The following PAK2 variants were observed in gnomAD, a reference collection of about 807,000 sequenced individuals.
PAK2 encodes the protein p21 (RAC1) activated kinase 2, also known as serine/threonine-protein kinase PAK 2.
In PAK2, 21 loss-of-function variants were observed where a neutral mutation model predicts 65.9. The observed-to-expected ratio is 0.32, with a 90% CI of 0.23 to 0.46. The LOEUF is 0.46. PAK2 is among the 20% of genes least tolerant of loss of function. The pLI, the probability that PAK2 is intolerant of heterozygous loss-of-function variation, is 1.00. For synonymous variants in PAK2, 204 were observed against 219.7 expected (o/e 0.93, Z 0.63); for missense variants, 324 against 642.6 (o/e 0.50, Z 5.36).
chr3:196,747,796 T>A (rs555331426), intron 1 of PAK2, among the ~76,000 whole-genome samples: 1 of 152,288 alleles, frequency 6.6e-6, no homozygotes, highest in South Asian at 2.1e-4. Flanking sequence ...TATTAATAAT[T>A]CTTATTAATG....
intron 1 of PAK2, among the ~76,000 whole-genome samples, chr3:196,743,354 G>T (rs1302715819): frequency 6.6e-6 from 1 of 152,060 alleles, no homozygotes; most frequent in Non-Finnish European, 1.5e-5. Context: ...TTTACCCTGG[G>T]CAAGATATAC....
chr3:196,745,282 A>ATTTTT (rs34194625), intron 1 of PAK2, among the ~76,000 whole-genome samples: 47 of 92,762 alleles, frequency 5.1e-4, no homozygotes, highest in African/African-American at 1.3e-3. Flanking sequence ...CACCCAACTG[A>ATTTTT]TTTTTTTTTT....
At chr3:196,762,612 T>G (rs1577704349) in intron 1 of PAK2, among the ~76,000 whole-genome samples, 3 of 147,130 alleles carry the variant, frequency 2.0e-5, no homozygotes. Context: ...GACAGGGAGG[T>G]TGCAGTGAGC....
intron 7 of PAK2, among the ~76,000 whole-genome samples, chr3:196,809,687 T>G (rs1715711318): frequency 6.6e-6 from 1 of 151,974 alleles, no homozygotes; most frequent in African/African-American, 2.4e-5. Flanking sequence ...GAATCCTAAT[T>G]GTCATCATTT....
chr3:196,793,259 G>A (rs1379353162), intron 2 of PAK2, among the ~76,000 whole-genome samples: 1 of 152,146 alleles, frequency 6.6e-6, no homozygotes, highest in Non-Finnish European at 1.5e-5. Context: ...CTTATCAGGG[G>A]AGTCAGGAAA....
intron 13 of PAK2, among the ~76,000 whole-genome samples, chr3:196,821,344 AACCCCACC>A (rs1711643287): frequency 6.6e-6 from 1 of 151,494 alleles, no homozygotes; most frequent in African/African-American, 2.4e-5. Flanking sequence ...AACAACAAAA[AACCCCACC>A]ACAACAGGAT....
At chr3:196,744,009 A>C (rs1713291296) in intron 1 of PAK2, among the ~76,000 whole-genome samples, 1 of 152,252 alleles carries the variant, frequency 6.6e-6, no homozygotes, top group Admixed American at 6.5e-5. Flanking sequence ...AATATGTAAT[A>C]GTTTCACCAC....
intron 1 of PAK2, among the ~76,000 whole-genome samples, chr3:196,744,929 TTTC>T (rs202214911): frequency 0.012 from 1,223 of 105,924 alleles, 11 homozygotes; most frequent in African/African-American, 0.039. Context: ...AAATTTCTTT[TTTC>T]TTTTTTTTTT....
intron 2 of PAK2, among the ~76,000 whole-genome samples, chr3:196,794,218 A>T (rs1560106590): frequency 6.6e-6 from 1 of 152,214 alleles, no homozygotes; most frequent in African/African-American, 2.4e-5. Context: ...CAGTTAAAAG[A>T]TCTGACTAAT....
At chr3:196,828,134 T>TCTG (rs1560121820) in intron 14 of PAK2, among the ~76,000 whole-genome samples, 185 bp from the exon 15 acceptor site, 1 of 152,260 alleles carries the variant, frequency 6.6e-6, no homozygotes, top group African/African-American at 2.4e-5. Context: ...CTAAAATGAT[T>TCTG]CTGCTTTCAT....
intron 13 of PAK2, among the ~76,000 whole-genome samples, chr3:196,823,542 C>T (rs1316130775): frequency 6.6e-6 from 1 of 150,748 alleles, no homozygotes; most frequent in Non-Finnish European, 1.5e-5. Flanking sequence ...GCTGGATCCC[C>T]GCAAACAAAC....
chr3:196,763,488 TCCGTTTTCGGA>T (rs1714053026), intron 1 of PAK2, among the ~76,000 whole-genome samples: 1 of 152,010 alleles, frequency 6.6e-6, no homozygotes, highest in African/African-American at 2.4e-5. Context: ...AGGCCTCAGA[TCCGTTTTCGGA>T]ATGGACAGAA....
chr3:196,821,580 G>A (rs544824832), intron 13 of PAK2, among the ~76,000 whole-genome samples: 1 of 152,112 alleles, frequency 6.6e-6, no homozygotes, highest in Non-Finnish European at 1.5e-5. Context: ...CTACGTGGGA[G>A]GCTGAGGCAG....
intron 1 of PAK2, among the ~76,000 whole-genome samples, chr3:196,758,875 C>G (rs1713850434): frequency 6.6e-6 from 1 of 152,108 alleles, no homozygotes; most frequent in Non-Finnish European, 1.5e-5. Flanking sequence ...CCAGGCTGGT[C>G]TTGAACTCCT....
intron 1 of PAK2, among the ~76,000 whole-genome samples, chr3:196,776,769 C>T (rs1173003150): frequency 6.6e-6 from 1 of 152,126 alleles, no homozygotes; most frequent in Non-Finnish European, 1.5e-5. Flanking sequence ...CAGATTCATT[C>T]AAAATTCAAG....
At chr3:196,826,497 GT>G (rs1711881582) in intron 13 of PAK2, among the ~76,000 whole-genome samples, 1 of 150,752 alleles carries the variant, frequency 6.6e-6, no homozygotes. Context: ...TTTGTTTTTT[GT>G]TTTTTAAGTT....
At chr3:196,750,846 GATTA>G (rs1396580601) in intron 1 of PAK2, among the ~76,000 whole-genome samples, 2 of 150,242 alleles carry the variant, frequency 1.3e-5, no homozygotes, top group Non-Finnish European at 3.0e-5. Context: ...GTTTTTTAAT[GATTA>G]ATTGTTGCTT....
intron 1 of PAK2, among the ~76,000 whole-genome samples, chr3:196,778,478 A>G (rs1161258347): frequency 6.6e-6 from 1 of 152,224 alleles, no homozygotes; most frequent in African/African-American, 2.4e-5. Context: ...CCTTTTTAAT[A>G]GAGTTTTTAT....
intron 7 of PAK2, among the ~76,000 whole-genome samples, chr3:196,809,977 C>T (rs1249568683): frequency 1.3e-5 from 2 of 151,896 alleles, no homozygotes; most frequent in African/African-American, 2.4e-5. Flanking sequence ...TTTCCTAAAA[C>T]AAACATATGA....
Sources: allele counts gnomAD v4.1 joint callset (sites outside exome capture counted in the v4.1 genomes callset), GRCh38; gene constraint gnomAD v4.1.1; transcripts MANE v1.5; gene names NCBI Gene and HGNC (gene_info 2026-07-23, HGNC 2026-07-21).